FADS2: variants seen among roughly 807,000 people sequenced by gnomAD.
FADS2 encodes fatty acid desaturase 2.
Under a neutral mutation model 61.2 loss-of-function variants are expected in FADS2, and 18 were observed. That is an observed-to-expected ratio of 0.29 (90% CI 0.20 to 0.44). The LOEUF (loss-of-function observed/expected upper bound fraction) is 0.44, where lower values mean the gene tolerates loss of function less well. Among genes scored for constraint, FADS2 ranks in the 20% least tolerant of loss-of-function variants. The pLI is 1.00. For synonymous variants in FADS2, 203 were observed against 223.9 expected (o/e 0.91, Z 0.83); for missense variants, 322 against 572.7 (o/e 0.56, Z 4.47).
intron 1 of FADS2, among the ~76,000 whole-genome samples, chr11:61,821,068 C>T (rs2067033232): frequency 6.6e-6 from 1 of 152,192 alleles, no homozygotes; most frequent in African/African-American, 2.4e-5. Flanking sequence ...ATATCCAGGT[C>T]AACTAAAGGA....
intron 7 of FADS2, among the ~76,000 whole-genome samples, chr11:61,858,658 T>G (rs2067386051): frequency 6.6e-6 from 1 of 151,936 alleles, no homozygotes; most frequent in East Asian, 1.9e-4. Flanking sequence ...CGATCTCGGC[T>G]CACTGCAACC....
intron 1 of FADS2, among the ~76,000 whole-genome samples, chr11:61,822,001 G>A (rs1347711937): frequency 2.0e-5 from 3 of 150,260 alleles, no homozygotes; most frequent in African/African-American, 7.4e-5. Flanking sequence ...ACAGAGTCTC[G>A]CTCTGTCACC....
rs1292511471 is a variant in FADS2 at position 61,816,340 on chromosome 11, A to G, written c.55A>G (p.Ile19Val). The change falls in exon 1 of 12, where the codon ATC becomes GTC. Residue 19 changes from isoleucine to valine, a missense_variant. Physicochemically the swap from Ile to Val is conservative, Grantham distance 29 (BLOSUM62 3). Coordinates refer to the FADS2 transcript ENST00000257261. This position sits in a 1 kb window ranked among gnomAD's most constrained non-coding sequence, Gnocchi z 7.0. ...TTGTGTGTGCGTGTTGTTGGCCTCC[A>G]TCCCCACTCCCCAGACTCCACTTCT... The G allele has an allele frequency of 1.3e-6, 2 of 1,598,208 alleles. No individual in the cohort carries two copies. The highest frequency in any genetic ancestry group is 2.2e-5 in the East Asian group (1 of 44,854).
intron 5 of FADS2, among the ~76,000 whole-genome samples, chr11:61,849,135 T>C (rs557430862): frequency 6.6e-6 from 1 of 152,352 alleles, no homozygotes; most frequent in Non-Finnish European, 1.5e-5. Flanking sequence ...GACCTCATGA[T>C]CTGCCTGCCT....
At chr11:61,826,560 T>C (rs1165518868), upstream of FADS2, 1 of 602,132 alleles carries the variant, frequency 1.7e-6, no homozygotes, top group Non-Finnish European at 3.0e-6. Flanking sequence ...CGTCAACGTT[T>C]GACAGTCCTC....
chr11:61,856,123 G>A (rs558766355), intron 5 of FADS2: 1 of 152,448 alleles, frequency 6.6e-6, no homozygotes, highest in African/African-American at 2.4e-5. Context: ...CACTCAGTGA[G>A]CGGCATCTTT....
At chr11:61,836,557 AG>A (rs2067176632) in intron 1 of FADS2, among the ~76,000 whole-genome samples, 1 of 150,480 alleles carries the variant, frequency 6.6e-6, no homozygotes, top group Admixed American at 6.6e-5. Context: ...TAGTAGAGAC[AG>A]GGGTCTTGCT....
At chr11:61,824,478 G>GAA (rs2067061214), upstream of FADS2, among the ~76,000 whole-genome samples, 11 of 7,208 alleles carry the variant, frequency 1.5e-3, 1 homozygote, top group Non-Finnish European at 4.5e-3. Flanking sequence ...GAGAGAGAGA[G>GAA]AGAGAGAGAG....
intron 1 of FADS2, among the ~76,000 whole-genome samples, chr11:61,831,128 TG>T (rs2067125102): frequency 6.6e-6 from 1 of 151,842 alleles, no homozygotes; most frequent in Admixed American, 6.6e-5. Context: ...AGGACCAGGT[TG>T]GAAAAAGGCC....
Position 61,865,536 on chromosome 11 carries a change from G to A in FADS2, c.1284-102G>A, listed in dbSNP as rs1021336584. ...AGTGGTAAGCCCTGGTTAGGGCCAAGGGGACATACATGCCACCTTAATGAT... is the reference window on the plus strand; with the variant it reads ...AGTGGTAAGCCCTGGTTAGGGCCAAAGGGACATACATGCCACCTTAATGAT... On this transcript the variant is annotated intron_variant, in intron 11 of 11. Transcript: ENST00000278840. The surrounding 1 kb of genome is among the most constrained non-coding windows in gnomAD (Gnocchi z 4.1). The A allele has an allele frequency of 3.5e-6, 4 of 1,158,398 alleles. No individual in the cohort carries two copies. Among genetic ancestry groups the A allele is most frequent in the Admixed American group, 2.0e-5 (1 of 50,738 alleles). 71.8% of individuals were successfully genotyped at this position (1,158,398 alleles called of 1,614,324 possible). A position where few individuals can be genotyped will look rare whatever the true frequency, so the allele number is the denominator to read the frequency against.
intron 6 of FADS2, 52 bp from the exon 7 acceptor site, chr11:61,857,402 G>T: frequency 7.1e-6 from 11 of 1,544,518 alleles, no homozygotes; most frequent in Non-Finnish European, 9.8e-6. Context: ...CTGACCTTCC[G>T]GCACAGGCAG....
intron 10 of FADS2, chr11:61,864,084 A>G (rs1317198140): frequency 5.3e-6 from 2 of 378,150 alleles, no homozygotes; most frequent in Non-Finnish European, 9.6e-6. Flanking sequence ...CACGCACCTC[A>G]TGACCCTGTG....
At chr11:61,830,442 C>T (rs1397696471) in intron 1 of FADS2, among the ~76,000 whole-genome samples, 2 of 152,174 alleles carry the variant, frequency 1.3e-5, no homozygotes, top group African/African-American at 4.8e-5. Context: ...CTTACCTGAC[C>T]TTAACACTGA....
intron 7 of FADS2, among the ~76,000 whole-genome samples, chr11:61,858,708 C>T (rs913238474): frequency 6.6e-6 from 1 of 151,704 alleles, no homozygotes; most frequent in Non-Finnish European, 1.5e-5. Flanking sequence ...GCCTCAACCT[C>T]CTGAGTAGCT....
intron 5 of FADS2, among the ~76,000 whole-genome samples, chr11:61,851,290 G>C (rs1033841412): frequency 6.6e-6 from 1 of 152,180 alleles, no homozygotes; most frequent in African/African-American, 2.4e-5. Flanking sequence ...TGGCAAGAAG[G>C]CGTCTTTCTT....
chr11:61,850,179 ATAACAGGACC>A (rs2067293673), intron 5 of FADS2, among the ~76,000 whole-genome samples: 1 of 152,200 alleles, frequency 6.6e-6, no homozygotes, highest in Non-Finnish European at 1.5e-5. Flanking sequence ...CTTCTGAACC[ATAACAGGACC>A]TACATTATTT....
chr11:61,824,930 C>T (rs1428671472), upstream of FADS2, among the ~76,000 whole-genome samples: 15 of 152,018 alleles, frequency 9.9e-5, no homozygotes, highest in Non-Finnish European at 1.8e-4. Flanking sequence ...CAGTGGCTCA[C>T]GCCTGTAATC....
At chr11:61,833,129 C>G (rs1484888051) in intron 1 of FADS2, among the ~76,000 whole-genome samples, 1 of 152,160 alleles carries the variant, frequency 6.6e-6, no homozygotes, top group African/African-American at 2.4e-5. Flanking sequence ...TCAGGGTGTT[C>G]TGACCTCCCC....
chr11:61,865,671 C>A lies in FADS2; in HGVS notation c.1317C>A (p.Asp439Glu). Residue 439 changes from aspartate to glutamate, a missense_variant, in exon 12 of 12, where the codon GAC becomes GAA. By Grantham distance (45) the Asp-to-Glu change is conservative. This residue lies in a region of FADS2 where 221 missense variants were observed against 427.9 expected (regional missense o/e 0.52). Coordinates refer to ENST00000278840, the MANE Select transcript of FADS2 (RefSeq NM_004265.4). This position sits in a 1 kb window ranked among gnomAD's most constrained non-coding sequence, Gnocchi z 4.1. ...SLKKSGKLWL[D>E]AYLHK ...AGAAGTCTGGGAAGCTGTGGCTGGA[C>A]GCCTACCTTCACAAATGAAGCCACA... is the stretch of plus-strand genomic sequence containing the variant. 4 of 1,612,310 alleles carry A rather than the reference C, an allele frequency of 2.5e-6. No individual in the cohort carries two copies. The highest frequency in any genetic ancestry group is 3.4e-6 in the Non-Finnish European group (4 of 1,179,280).
Sources: allele counts gnomAD v4.1 joint callset (sites outside exome capture counted in the v4.1 genomes callset), GRCh38; gene constraint gnomAD v4.1.1; regional missense constraint gnomAD v4.1.1; non-coding constraint Gnocchi (gnomAD v3.1); transcripts MANE v1.5; gene names NCBI Gene and HGNC (gene_info 2026-07-23, HGNC 2026-07-21).